Variants in CFAP46 observed in about 807,000 individuals in gnomAD.
The protein encoded by CFAP46 is cilia- and flagella-associated protein 46.
CFAP46 carries 245 observed loss-of-function variants against 325.7 expected under a neutral mutation model. The observed-to-expected ratio is 0.75, with a 90% CI of 0.68 to 0.84. The LOEUF is 0.84. CFAP46 is among the 40% of genes least tolerant of loss of function. The probability of loss-of-function intolerance (pLI) is 0.00; values close to 1 mark genes in which losing one functional copy is unlikely to be tolerated. For synonymous variants in CFAP46, 1,523 were observed against 1,495.9 expected, an observed-to-expected ratio of 1.02 and a Z score of -0.42; for missense variants, 3,346 against 3,543.0, an observed-to-expected ratio of 0.94 and a Z score of 1.41.
At chr10:132,844,008 G>A (rs1312251830) in intron 44 of CFAP46, among the ~76,000 whole-genome samples, 1 of 121,566 alleles carries the variant, frequency 8.2e-6, no homozygotes, top group African/African-American at 3.2e-5. Context: ...CCAGGGTGCT[G>A]TGGGGCTCTG....
intron 1 of CFAP46, 26 bp downstream of exon 1, chr10:132,942,409 CG>C: frequency 7.4e-7 from 1 of 1,357,420 alleles, no homozygotes; most frequent in South Asian, 1.9e-5. Context: ...CTCCCCGGGG[CG>C]GGGGTCGTGG....
intron 50 of CFAP46, among the ~76,000 whole-genome samples, chr10:132,823,390 ATGTGTGCTGTGTGTGTGC>A (rs1847935493): frequency 2.4e-5 from 2 of 82,006 alleles, no homozygotes; most frequent in African/African-American, 5.2e-5. Flanking sequence ...GTGTGCACTG[ATGTGTGCTGTGTGTGTGC>A]TGTGTGCTGT....
intron 7 of CFAP46, among the ~76,000 whole-genome samples, chr10:132,936,447 C>T (rs1412673692): frequency 1.5e-5 from 2 of 130,266 alleles, no homozygotes. Flanking sequence ...GGCATCCAAA[C>T]ACACTGTGAT....
chr10:132,941,939 T>C (rs907443921), intron 2 of CFAP46, 41 bp downstream of exon 2: 63 of 1,548,534 alleles, frequency 4.1e-5, no homozygotes, highest in Non-Finnish European at 4.6e-5. Flanking sequence ...TCCCTCTCCC[T>C]GTCAAAGCTG....
At chr10:132,909,581 GGGCCTGGCTCCTGGCC>G (rs2135530048) in intron 20 of CFAP46, among the ~76,000 whole-genome samples, 1 of 152,272 alleles carries the variant, frequency 6.6e-6, no homozygotes, top group East Asian at 1.9e-4. Flanking sequence ...GGCCCCACTA[GGGCCTGGCTCCTGGCC>G]AGGCTCCAAG....
rs1215658734 is a variant in CFAP46, at chr10:132,879,570, C to T, written c.3861G>A (p.Val1287=). 6.5e-7 allele frequency: 1 copy of T among 1,547,148 alleles called. No homozygotes were observed. The highest frequency in any genetic ancestry group is 2.0e-5 in the Admixed American group (1 of 50,864). The change falls in exon 29 of 58, where the codon GTG becomes GTA. Residue 1287 remains valine (V), a synonymous_variant. Coordinates refer to ENST00000368586, the MANE Select transcript of CFAP46 (RefSeq NM_001200049.3). ...GCACGCTACGCAGCTGCTCCAAGGACACCGCCTCCTCGGCCTCGGACACGG... is the reference window on the plus strand; with the variant it reads ...GCACGCTACGCAGCTGCTCCAAGGATACCGCCTCCTCGGCCTCGGACACGG... ...RSPVSEAEEA[V]SLEQLRSVRQ...
At position 132,811,023 on chromosome 10, in the gene CFAP46, C is replaced by T. The variant is rs1313619897; in HGVS notation, c.7510G>A (p.Val2504Met). 8.8e-6 allele frequency: 14 copies of T among 1,598,958 alleles called. No individual in the cohort carries two copies. In the South Asian group the frequency reaches 1.6e-4, roughly 18 times the overall value. ...CGCGCCAGGTCCAGCAGGACTGCCA[C>T]CTGGCACTCTGCCGGGACGGGAAGG... ...LVAMNLQECQ[V>M]AVLLDLARSY... Residue 2504 changes from valine (V) to methionine (M), a missense_variant, in exon 56 of 58, where the codon GTG becomes ATG. Val to Met is a conservative substitution (Grantham distance 21, BLOSUM62 1). Coordinates refer to ENST00000368586, the MANE Select transcript of CFAP46 (RefSeq NM_001200049.3).
intron 12 of CFAP46, 28 bp downstream of exon 12, chr10:132,922,452 A>G: frequency 6.6e-7 from 1 of 1,516,640 alleles, no homozygotes; most frequent in East Asian, 2.5e-5. Context: ...TGCAGCACCC[A>G]GCCTCCCTCA....
At chr10:132,810,607 C>T (rs971457483) in intron 56 of CFAP46, 118 bp from the exon 57 acceptor site, 2 of 900,316 alleles carry the variant, frequency 2.2e-6, no homozygotes, top group African/African-American at 3.3e-5. Flanking sequence ...CGCTGGCCCG[C>T]AGCGCGTTGT....
At chr10:132,926,543 G>A (rs575628633) in intron 10 of CFAP46, 25 bp downstream of exon 10, 3 of 1,488,740 alleles carry the variant, frequency 2.0e-6, no homozygotes, top group Middle Eastern at 1.7e-4. Flanking sequence ...AATGCCAGGT[G>A]TATGACTCCT....
rs755317288 is a variant in CFAP46 at position 132,859,061 on chromosome 10, G to A, written c.5375+10C>T. The A allele has an allele frequency of 6.5e-7, 1 of 1,548,722 alleles. No homozygotes were observed. Among genetic ancestry groups the A allele is most frequent in the Admixed American group, 2.0e-5 (1 of 50,932 alleles). ...TGACTCCCGTGCAGGGGTCGTGGAG[G>A]CAGCCTTACCTCTTGATCTTCGCAC... On this transcript the variant is annotated intron_variant, in intron 38 of 57. Transcript: ENST00000368586.
Position 132,889,666 on chromosome 10 carries a change from C to A in CFAP46, c.3304+2667G>T, listed in dbSNP as rs1298003549. Among the ~76,000 whole-genome samples the A allele has an allele frequency of 6.6e-6, 1 of 152,198 alleles. No homozygotes were observed. Among genetic ancestry groups the A allele is most frequent in the Non-Finnish European group, 1.5e-5 (1 of 68,032 alleles). ...GGGACCACCCAGTACACATCCAATT[C>A]ACGGGCGGAGGCACTGCAGCCGGAC... On this transcript the variant is annotated intron_variant, in intron 25 of 57. Coordinates refer to ENST00000368586, the MANE Select transcript of CFAP46 (RefSeq NM_001200049.3). The surrounding 1 kb of genome is among the most constrained non-coding windows in gnomAD (Gnocchi z 6.0).
intron 32 of CFAP46, among the ~76,000 whole-genome samples, chr10:132,870,639 A>G (rs1197087655): frequency 6.6e-6 from 1 of 152,218 alleles, no homozygotes; most frequent in Non-Finnish European, 1.5e-5. Flanking sequence ...TCTCATCCAG[A>G]GCCAGGCCCT....
intron 55 of CFAP46, among the ~76,000 whole-genome samples, chr10:132,811,988 A>G (rs1034876476): frequency 6.6e-6 from 1 of 152,224 alleles, no homozygotes; most frequent in Admixed American, 6.5e-5. Flanking sequence ...TGGGGCCATC[A>G]GCAGCCCCAT....
chr10:132,905,038 G>A (rs901978187), intron 22 of CFAP46, among the ~76,000 whole-genome samples: 2 of 152,186 alleles, frequency 1.3e-5, no homozygotes, highest in African/African-American at 4.8e-5. Flanking sequence ...CCTTCCCGGT[G>A]AGGACCACAA....
At position 132,919,391 on chromosome 10, in the gene CFAP46, C is replaced by T; in HGVS notation, c.1782G>A (p.Trp594Ter). 6.5e-7 allele frequency: 1 copy of T among 1,550,176 alleles called. No individual in the cohort carries two copies. The highest frequency in any genetic ancestry group is 8.7e-7 in the Non-Finnish European group (1 of 1,146,918). Residue 594 changes from tryptophan to a stop codon, truncating the protein, a stop_gained, in exon 15 of 58, where the codon TGG (tryptophan) becomes TGA (stop). Coordinates refer to ENST00000368586, the MANE Select transcript of CFAP46 (RefSeq NM_001200049.3). LOFTEE classifies it high-confidence loss of function. The surrounding 1 kb of genome is among the most constrained non-coding windows in gnomAD (Gnocchi z 9.7). The part of the protein sequence containing the change: ...LAKVARKQGV[W>*]DVCRTASRFC... ...AGCGGCTCGCCGTCCGACAGACGTCCCACACGCCTTGTTTCCGGGCCACTT... is the reference window on the plus strand; with the variant it reads ...AGCGGCTCGCCGTCCGACAGACGTCTCACACGCCTTGTTTCCGGGCCACTT...
At chr10:132,887,445 CTT>C (rs1176393959) in intron 25 of CFAP46, among the ~76,000 whole-genome samples, 19 of 121,200 alleles carry the variant, frequency 1.6e-4, no homozygotes, top group African/African-American at 5.7e-4. Flanking sequence ...CCTCTCCCCT[CTT>C]CTCTCTCCTC....
Position 132,828,934 on chromosome 10 carries a change from G to A in CFAP46, c.7117+4424C>T, listed in dbSNP as rs1257971838. Among the ~76,000 whole-genome samples, 2 of 152,078 alleles carry A rather than the reference G, an allele frequency of 1.3e-5. No individual in the cohort carries two copies. Among genetic ancestry groups the A allele is most frequent in the Non-Finnish European group, 2.9e-5 (2 of 68,026 alleles). On this transcript the variant is annotated intron_variant, in intron 50 of 57. Transcript: ENST00000368586. The surrounding 1 kb of genome is among the most constrained non-coding windows in gnomAD (Gnocchi z 4.9). ...CCCGCCCCATCCCCTGGGTCTACACGGCTACCGTCACGCCTGCGCTCCACT... is the reference window on the plus strand; with the variant it reads ...CCCGCCCCATCCCCTGGGTCTACACAGCTACCGTCACGCCTGCGCTCCACT...
Position 132,909,243 on chromosome 10 carries a change from C to T in CFAP46, c.2651G>A (p.Gly884Asp), listed in dbSNP as rs1430796267. 20 of 1,549,398 alleles carry T rather than the reference C, an allele frequency of 1.3e-5. No individual in the cohort carries two copies. Among genetic ancestry groups the T allele is most frequent in the Admixed American group, 2.0e-5 (1 of 50,982 alleles). ...CACCGAGCTGACATCCTCATTGGTG[C>T]CCTGGTGGGGAGGATGCCCTGAGTG... ...IGPRLGTEEQ[G>D]TNEDVSSVTR... The change falls in exon 21 of 58, where the codon GGC becomes GAC. Residue 884 changes from glycine (G) to aspartate (D), a missense_variant and splice_region_variant. Coordinates refer to ENST00000368586, the MANE Select transcript of CFAP46 (RefSeq NM_001200049.3).
Sources: allele counts gnomAD v4.1 joint callset (sites outside exome capture counted in the v4.1 genomes callset), GRCh38; gene constraint gnomAD v4.1.1; non-coding constraint Gnocchi (gnomAD v3.1); transcripts MANE v1.5; gene names NCBI Gene and HGNC (gene_info 2026-07-23, HGNC 2026-07-21).